HDAC4: variants seen among roughly 807,000 people sequenced by gnomAD.
HDAC4 encodes the protein histone deacetylase A.
Under a neutral mutation model 135.1 loss-of-function variants are expected in HDAC4, and 16 were observed. That is an observed-to-expected ratio of 0.12 (90% CI 0.08 to 0.18). The LOEUF (loss-of-function observed/expected upper bound fraction) is 0.18, where lower values mean the gene tolerates loss of function less well. Ranked by LOEUF, HDAC4 falls within the 10% of genes least tolerant of loss-of-function variation. The probability of loss-of-function intolerance (pLI) is 1.00; values close to 1 mark genes in which losing one functional copy is unlikely to be tolerated. For synonymous variants in HDAC4, 685 were observed against 653.4 expected (o/e 1.05, Z -0.74); for missense variants, 1,143 against 1,511.8 (o/e 0.76, Z 4.05).
At chr2:239,070,707 G>A (rs1402681521) in intron 22 of HDAC4, among the ~76,000 whole-genome samples, 1 of 152,232 alleles carries the variant, frequency 6.6e-6, no homozygotes, top group Non-Finnish European at 1.5e-5. Flanking sequence ...CAGGTGCAAG[G>A]GGCCTGTGCA....
rs1434154482 is a variant in HDAC4 at position 239,354,126 on chromosome 2, T to C, written c.-219-1208A>G. ...TGACATGCTTCCTTGCCGTTGTTTTTCTTTGCCTTTTGCCCATACGAACCT... is the reference window on the plus strand; with the variant it reads ...TGACATGCTTCCTTGCCGTTGTTTTCCTTTGCCTTTTGCCCATACGAACCT... On this transcript the variant is annotated intron_variant, in intron 1 of 26. Transcript: ENST00000543185. Among the ~76,000 whole-genome samples, 4 of 152,238 alleles carry C rather than the reference T, an allele frequency of 2.6e-5. 1 individual carries two copies. The highest frequency in any genetic ancestry group is 2.6e-4 in the Admixed American group (4 of 15,280).
chr2:239,389,913 T>C lies in HDAC4; in HGVS notation c.-220+11065A>G, dbSNP rs137969143. Among the ~76,000 whole-genome samples the C allele has an allele frequency of 3.4e-4, 52 of 152,302 alleles. No individual in the cohort carries two copies. In the East Asian group the frequency reaches 5.6e-3, roughly 16 times the overall value. On this transcript the variant is annotated intron_variant, in intron 1 of 26. Transcript: ENST00000543185. ...AGTGACTGGTTCAGAGTTCAATACGTGGCTGGAGCCAGACCGAAGGAGAGT... is the reference window on the plus strand; with the variant it reads ...AGTGACTGGTTCAGAGTTCAATACGCGGCTGGAGCCAGACCGAAGGAGAGT...
At chr2:239,264,397 G>A (rs188755527) in intron 2 of HDAC4, among the ~76,000 whole-genome samples, 3 of 152,340 alleles carry the variant, frequency 2.0e-5, no homozygotes, top group South Asian at 2.1e-4. Flanking sequence ...GATTTTGTTT[G>A]GTTGGTTTCT....
At chr2:239,186,094 T>G (rs2044533817) in intron 4 of HDAC4, among the ~76,000 whole-genome samples, 1 of 151,720 alleles carries the variant, frequency 6.6e-6, no homozygotes, top group Non-Finnish European at 1.5e-5. Flanking sequence ...TTACCTGGGA[T>G]CCGCTTCTTG....
At chr2:239,089,231 C>A (rs2036265244) in intron 18 of HDAC4, among the ~76,000 whole-genome samples, 1 of 152,214 alleles carries the variant, frequency 6.6e-6, no homozygotes, top group Non-Finnish European at 1.5e-5. Context: ...CCTTCATGTA[C>A]TTCAACATGT....
At chr2:239,099,462 C>G (rs938463979) in intron 16 of HDAC4, among the ~76,000 whole-genome samples, 1 of 152,240 alleles carries the variant, frequency 6.6e-6, no homozygotes, top group Non-Finnish European at 1.5e-5. Flanking sequence ...ATGGGGCCCA[C>G]AGGCAGCCCC....
At chr2:239,079,967 G>A (rs1253444454) in intron 22 of HDAC4, among the ~76,000 whole-genome samples, 2 of 151,892 alleles carry the variant, frequency 1.3e-5, no homozygotes, top group East Asian at 1.9e-4. Flanking sequence ...AACACACATA[G>A]GCATGGACAC....
intron 11 of HDAC4, 21 bp downstream of exon 11, chr2:239,134,224 C>T (rs1356773543): frequency 6.3e-7 from 1 of 1,597,856 alleles, no homozygotes; most frequent in South Asian, 1.1e-5. Flanking sequence ...CCTGGCTGCA[C>T]CCAGGCCCAT....
At chr2:239,326,404 C>T (rs1232028037) in intron 2 of HDAC4, among the ~76,000 whole-genome samples, 2 of 152,090 alleles carry the variant, frequency 1.3e-5, no homozygotes, top group Admixed American at 6.5e-5. Flanking sequence ...AGTTTCTGTT[C>T]GGGAAGATGA....
chr2:239,215,333 G>A (rs1211433134), intron 3 of HDAC4, among the ~76,000 whole-genome samples: 1 of 152,212 alleles, frequency 6.6e-6, no homozygotes, highest in East Asian at 1.9e-4. Context: ...GGCCGGGCAT[G>A]GAAGCTGGCA....
chr2:239,345,976 C>T (rs1165205370), intron 2 of HDAC4, among the ~76,000 whole-genome samples: 1 of 147,856 alleles, frequency 6.8e-6, no homozygotes, highest in African/African-American at 2.5e-5. Flanking sequence ...GTCTGAAACA[C>T]ATATACCACC....
chr2:239,321,972 A>G (rs2053331326), intron 2 of HDAC4, among the ~76,000 whole-genome samples: 1 of 152,266 alleles, frequency 6.6e-6, no homozygotes, highest in South Asian at 2.1e-4. Flanking sequence ...ACGAAAGCAC[A>G]GATTTGTTTA....
intron 1 of HDAC4, among the ~76,000 whole-genome samples, chr2:239,389,217 C>T (rs900686538): frequency 6.6e-6 from 1 of 152,134 alleles, no homozygotes; most frequent in Non-Finnish European, 1.5e-5. Flanking sequence ...GGACAAATAA[C>T]GGAATAATAG....
At chr2:239,359,195 G>A (rs1693703749) in intron 1 of HDAC4, among the ~76,000 whole-genome samples, 1 of 152,196 alleles carries the variant, frequency 6.6e-6, no homozygotes, top group Admixed American at 6.5e-5. Flanking sequence ...AGAGAACTGT[G>A]TGACAGCCCA....
intron 4 of HDAC4, among the ~76,000 whole-genome samples, chr2:239,179,642 G>T (rs897884944): frequency 1.3e-5 from 2 of 152,194 alleles, no homozygotes; most frequent in Non-Finnish European, 2.9e-5. Flanking sequence ...CAACAAATGC[G>T]CATCACTTCA....
intron 6 of HDAC4, among the ~76,000 whole-genome samples, chr2:239,158,880 G>C (rs574439224): frequency 4.1e-4 from 63 of 152,134 alleles, no homozygotes; most frequent in African/African-American, 1.5e-3. Context: ...CTCTATCCCT[G>C]CTGCAATCAC....
intron 2 of HDAC4, among the ~76,000 whole-genome samples, chr2:239,324,072 G>C (rs182289302): frequency 1.3e-5 from 2 of 152,232 alleles, no homozygotes; most frequent in African/African-American, 4.8e-5. Context: ...AAATGCGAAG[G>C]ATTAGCACAA....
intron 14 of HDAC4, among the ~76,000 whole-genome samples, chr2:239,109,437 T>G (rs571065748): frequency 6.6e-6 from 1 of 152,244 alleles, no homozygotes; most frequent in African/African-American, 2.4e-5. Flanking sequence ...GGAGCTGAGA[T>G]TCAAGGTGGT....
chr2:239,294,230 G>A (rs1019541256), intron 2 of HDAC4, among the ~76,000 whole-genome samples: 5 of 152,144 alleles, frequency 3.3e-5, no homozygotes, highest in Admixed American at 2.6e-4. Context: ...GACAAGGACC[G>A]CAATCACCAG....
Sources: gnomAD v4.1 joint callset for allele counts (sites outside exome capture counted in the v4.1 genomes callset) on GRCh38, gnomAD v4.1.1 for gene constraint, MANE v1.5 for transcripts, NCBI Gene and HGNC (gene_info 2026-07-23, HGNC 2026-07-21) for gene names.